PLCB1: variants seen among roughly 807,000 people sequenced by gnomAD.
PLCB1 encodes the protein phospholipase C beta 1, also known as 1-phosphatidylinositol 4,5-bisphosphate phosphodiesterase beta-1.
Under a neutral mutation model 161.8 loss-of-function variants are expected in PLCB1, and 46 were observed. The observed-to-expected ratio is 0.28, with a 90% CI of 0.22 to 0.36. The LOEUF is 0.36. PLCB1 is among the 10% of genes least tolerant of loss of function. The probability of loss-of-function intolerance (pLI) is 1.00; values close to 1 mark genes in which losing one functional copy is unlikely to be tolerated. For synonymous variants in PLCB1, 517 were observed against 503.7 expected, an observed-to-expected ratio of 1.03 and a Z score of -0.35; for missense variants, 1,016 against 1,472.5, an observed-to-expected ratio of 0.69 and a Z score of 5.07.
intron 2 of PLCB1, among the ~76,000 whole-genome samples, chr20:8,156,603 A>G (rs780873110): frequency 2.0e-5 from 3 of 152,314 alleles, no homozygotes; most frequent in Non-Finnish European, 4.4e-5. Context: ...TTCCTAAAAC[A>G]GTCCTAATTT....
chr20:8,490,209 C>A (rs532133999), intron 3 of PLCB1, among the ~76,000 whole-genome samples: 1 of 152,232 alleles, frequency 6.6e-6, no homozygotes, highest in African/African-American at 2.4e-5. Context: ...CAATGAAATA[C>A]AAGGGAAGCA....
chr20:8,375,564 G>A (rs1422479468), intron 3 of PLCB1, among the ~76,000 whole-genome samples: 1 of 152,072 alleles, frequency 6.6e-6, no homozygotes, highest in Admixed American at 6.5e-5. Flanking sequence ...TTTTTACTGT[G>A]GGCAATACAT....
At chr20:8,716,110 A>T in intron 12 of PLCB1, 154 bp from the exon 13 acceptor site, 1 of 626,728 alleles carries the variant, frequency 1.6e-6, no homozygotes, top group Non-Finnish European at 2.9e-6. Flanking sequence ...AAATTCACAT[A>T]AGTTAAGATA....
intron 2 of PLCB1, among the ~76,000 whole-genome samples, chr20:8,315,832 G>A (rs1420040404): frequency 6.6e-6 from 1 of 152,136 alleles, no homozygotes; most frequent in Non-Finnish European, 1.5e-5. Flanking sequence ...AGATGCTGAG[G>A]GCAAAGGGCA....
chr20:8,320,066 T>C (rs543473387), intron 2 of PLCB1, among the ~76,000 whole-genome samples: 10 of 151,384 alleles, frequency 6.6e-5, no homozygotes, highest in African/African-American at 2.2e-4. Context: ...AGATGAGACA[T>C]GTGAGGTCCG....
chr20:8,510,339 A>G (rs772937703), intron 3 of PLCB1, among the ~76,000 whole-genome samples: 16 of 149,082 alleles, frequency 1.1e-4, no homozygotes, highest in Non-Finnish European at 2.2e-4. Flanking sequence ...TAATTTTCTG[A>G]GTTATTTATT....
intron 3 of PLCB1, among the ~76,000 whole-genome samples, chr20:8,420,799 G>C (rs1377278480): frequency 6.6e-6 from 1 of 152,148 alleles, no homozygotes; most frequent in Non-Finnish European, 1.5e-5. Context: ...GTCATAATTT[G>C]GTGCAAGACT....
At chr20:8,243,157 G>T (rs762184464) in intron 2 of PLCB1, among the ~76,000 whole-genome samples, 48 of 151,936 alleles carry the variant, frequency 3.2e-4, no homozygotes, top group Non-Finnish European at 5.3e-4. Context: ...TTTGGTGTTT[G>T]CTGGAGCACA....
chr20:8,278,641 C>T lies in PLCB1; in HGVS notation c.178-92741C>T, dbSNP rs539754151. ...TAATGCAAATTAATACCAGGAGAAG[C>T]TATCACTATATGTCCATCAGCTGGC... On this transcript the variant is annotated intron_variant, in intron 2 of 31. Coordinates refer to ENST00000338037, the MANE Select transcript of PLCB1 (RefSeq NM_015192.4). 2.6e-5 allele frequency among the ~76,000 whole-genome samples: 4 copies of T among 152,042 alleles called. No homozygotes were observed. The East Asian group carries it at 7.7e-4, about 29-fold the overall frequency.
intron 2 of PLCB1, among the ~76,000 whole-genome samples, chr20:8,292,180 T>C (rs1983414857): frequency 6.6e-6 from 1 of 152,132 alleles, no homozygotes; most frequent in African/African-American, 2.4e-5. Context: ...AAAGAAACTT[T>C]CAAATCACTC....
intron 3 of PLCB1, among the ~76,000 whole-genome samples, chr20:8,587,317 A>G (rs1187374124): frequency 6.6e-6 from 1 of 152,178 alleles, no homozygotes; most frequent in African/African-American, 2.4e-5. Flanking sequence ...TAAAACAATT[A>G]TCAGATCATG....
intron 3 of PLCB1, among the ~76,000 whole-genome samples, chr20:8,393,648 G>C (rs781574277): frequency 4.6e-5 from 7 of 152,134 alleles, no homozygotes; most frequent in Non-Finnish European, 7.4e-5. Flanking sequence ...GGTCAAATAA[G>C]TTTGGGAAAT....
intron 3 of PLCB1, among the ~76,000 whole-genome samples, chr20:8,452,334 C>T (rs1383673765): frequency 1.3e-5 from 2 of 152,050 alleles, no homozygotes; most frequent in Non-Finnish European, 2.9e-5. Context: ...ATTTTTTAGC[C>T]ATGTGAGAAT....
At chr20:8,376,300 C>A (rs1371150142) in intron 3 of PLCB1, among the ~76,000 whole-genome samples, 2 of 152,154 alleles carry the variant, frequency 1.3e-5, no homozygotes, top group Non-Finnish European at 2.9e-5. Flanking sequence ...AATGTAGATT[C>A]TTTGTAAATA....
intron 2 of PLCB1, among the ~76,000 whole-genome samples, chr20:8,298,553 A>T (rs1417526134): frequency 6.6e-6 from 1 of 150,572 alleles, no homozygotes; most frequent in Non-Finnish European, 1.5e-5. Context: ...TTATTCACTG[A>T]CTGAACTAAG....
chr20:8,346,553 A>C (rs1292925862), intron 2 of PLCB1, among the ~76,000 whole-genome samples: 1 of 152,200 alleles, frequency 6.6e-6, no homozygotes, highest in Non-Finnish European at 1.5e-5. Flanking sequence ...CATGAGTTAT[A>C]ATTTAAACTG....
intron 2 of PLCB1, among the ~76,000 whole-genome samples, chr20:8,254,122 C>G (rs1470112171): frequency 6.6e-6 from 1 of 151,938 alleles, no homozygotes; most frequent in Non-Finnish European, 1.5e-5. Flanking sequence ...CTATATTGTA[C>G]ACATTTCAGA....
chr20:8,639,790 A>C (rs891503749), intron 4 of PLCB1, among the ~76,000 whole-genome samples: 2 of 152,204 alleles, frequency 1.3e-5, no homozygotes, highest in African/African-American at 4.8e-5. Context: ...AAATCCAATA[A>C]ATTATAACCA....
At chr20:8,413,791 A>G (rs1389145894) in intron 3 of PLCB1, among the ~76,000 whole-genome samples, 2 of 152,196 alleles carry the variant, frequency 1.3e-5, no homozygotes, top group African/African-American at 2.4e-5. Flanking sequence ...TTAGACTTTA[A>G]AACTCAAGAG....
Sources: allele counts gnomAD v4.1 joint callset (sites outside exome capture counted in the v4.1 genomes callset), GRCh38; gene constraint gnomAD v4.1.1; transcripts MANE v1.5; gene names NCBI Gene and HGNC (gene_info 2026-07-23, HGNC 2026-07-21).